The following RNF214 variants were observed in gnomAD, a reference collection of about 807,000 sequenced individuals.
The protein encoded by RNF214 is ring finger protein 214.
Under a neutral mutation model 75.9 loss-of-function variants are expected in RNF214, and 25 were observed. The ratio of observed to expected loss-of-function variants is 0.33; its 90% CI spans 0.24 to 0.46. RNF214 has a LOEUF of 0.46. RNF214 is among the 20% of genes least tolerant of loss of function. The probability of loss-of-function intolerance (pLI) is 1.00; values close to 1 mark genes in which losing one functional copy is unlikely to be tolerated. For missense variants in RNF214, 725 were observed against 857.5 expected (o/e 0.85, Z 1.93); for synonymous variants, 314 against 308.8 (o/e 1.02, Z -0.18).
chr11:117,238,803 G>T lies in RNF214; in HGVS notation c.310G>T (p.Gly104Trp). The T allele has an allele frequency of 6.2e-7, 1 of 1,614,214 alleles. No individual in the cohort carries two copies. The highest frequency in any genetic ancestry group is 8.5e-7 in the Non-Finnish European group (1 of 1,180,038). The change falls in exon 3 of 15, where the codon GGG becomes TGG. Residue 104 changes from glycine (G) to tryptophan (W), a missense_variant. Transcript: ENST00000300650. ...IATALCLSGS[G>W]SQSDLKDVAS... ...CACAGCCCTTTGTCTTTCTGGCAGTGGGTCTCAGTCTGATTTGAAGGATGT... is the reference window on the plus strand; with the variant it reads ...CACAGCCCTTTGTCTTTCTGGCAGTTGGTCTCAGTCTGATTTGAAGGATGT...
rs764499063 is a variant in RNF214, at chr11:117,238,667, C to G, written c.174C>G (p.Thr58=). The G allele has an allele frequency of 6.2e-7, 1 of 1,614,080 alleles. No individual in the cohort carries two copies. Reference sequence around the variant, plus strand: ...TGAGTGTAAGTAGCCAAACAATAACCAAGGAGAATAACAGAAATGTCCATT... The same window carrying G: ...TGAGTGTAAGTAGCCAAACAATAACGAAGGAGAATAACAGAAATGTCCATT... The part of the protein sequence containing the change: ...PLLSVSSQTI[T]KENNRNVHLE... Residue 58 remains threonine, a synonymous_variant, in exon 3 of 15, where the codon ACC becomes ACG. Coordinates refer to ENST00000300650, the MANE Select transcript of RNF214 (RefSeq NM_207343.4).
intron 1 of RNF214, 63 bp from the exon 2 acceptor site, chr11:117,234,204 G>T (rs766495844): frequency 8.5e-7 from 1 of 1,173,620 alleles, no homozygotes; most frequent in African/African-American, 1.5e-5. Flanking sequence ...TCTGAGGGGG[G>T]AGAGATACAT....
intron 6 of RNF214, among the ~76,000 whole-genome samples, chr11:117,251,852 T>C (rs564295613): frequency 1.1e-4 from 17 of 152,248 alleles, no homozygotes; most frequent in Non-Finnish European, 2.4e-4. Context: ...ACAATTTGCA[T>C]TTTATTTTTA....
At chr11:117,249,601 CAG>C (rs766090039) in intron 6 of RNF214, among the ~76,000 whole-genome samples, 3 of 152,176 alleles carry the variant, frequency 2.0e-5, no homozygotes, top group Non-Finnish European at 4.4e-5. Context: ...CCTGCCATAA[CAG>C]AATACCACTG....
intron 6 of RNF214, among the ~76,000 whole-genome samples, chr11:117,277,712 C>T (rs1343770590): frequency 2.0e-5 from 3 of 152,094 alleles, no homozygotes; most frequent in Non-Finnish European, 4.4e-5. Context: ...TGGCTCACGC[C>T]TATAATCCCA....
At chr11:117,254,680 G>A (rs2033479353) in intron 6 of RNF214, among the ~76,000 whole-genome samples, 1 of 151,508 alleles carries the variant, frequency 6.6e-6, no homozygotes, top group Non-Finnish European at 1.5e-5. Flanking sequence ...CTGGAGTCCA[G>A]TGGCACGATC....
At position 117,285,198 on chromosome 11, in the gene RNF214, A is replaced by G; in HGVS notation, c.*47A>G. On this transcript the variant is annotated 3_prime_UTR_variant, in exon 15 of 15. Coordinates refer to ENST00000300650, the MANE Select transcript of RNF214 (RefSeq NM_207343.4). ...AAGAAGAGAAACTGATGTGAACAGG[A>G]AGCGCGGGTTCAAGATTTCTAAAAC... 1 of 1,305,882 alleles carries G rather than the reference A, an allele frequency of 7.7e-7. No individual in the cohort carries two copies. The highest frequency in any genetic ancestry group is 1.1e-6 in the Non-Finnish European group (1 of 900,208). The allele number at this position is 1,305,882 out of a possible 1,614,324, so 80.9% of individuals were successfully genotyped here.
At chr11:117,271,366 T>G (rs1254225534) in intron 6 of RNF214, among the ~76,000 whole-genome samples, 2 of 152,240 alleles carry the variant, frequency 1.3e-5, no homozygotes, top group Non-Finnish European at 2.9e-5. Flanking sequence ...CAGCTCTGTT[T>G]GCATTTGCCG....
chr11:117,258,214 G>A (rs2033570051), intron 6 of RNF214, among the ~76,000 whole-genome samples: 2 of 151,940 alleles, frequency 1.3e-5, no homozygotes, highest in Admixed American at 6.6e-5. Flanking sequence ...GACTACAGGT[G>A]CATGCCACCA....
At chr11:117,262,707 TTGTGTG>T (rs57686552) in intron 6 of RNF214, among the ~76,000 whole-genome samples, 11 of 147,642 alleles carry the variant, frequency 7.5e-5, no homozygotes, top group South Asian at 2.2e-4. Context: ...TTGAGGAACG[TTGTGTG>T]TGTGTGTGTG....
At chr11:117,246,724 T>C in intron 5 of RNF214, 85 bp from the exon 6 acceptor site, 1 of 1,322,898 alleles carries the variant, frequency 7.6e-7, no homozygotes, top group Non-Finnish European at 1.0e-6. Flanking sequence ...CGTGAATTTG[T>C]GATAGTTGAA....
intron 6 of RNF214, among the ~76,000 whole-genome samples, chr11:117,255,659 G>A (rs940682560): frequency 2.0e-5 from 3 of 151,574 alleles, no homozygotes; most frequent in Non-Finnish European, 4.4e-5. Flanking sequence ...AGCCTCTTGT[G>A]TATTCTTAGT....
At chr11:117,281,484 C>A in intron 9 of RNF214, 80 bp downstream of exon 9, 1 of 1,361,860 alleles carries the variant, frequency 7.3e-7, no homozygotes, top group Non-Finnish European at 1.0e-6. Flanking sequence ...TAGCCTTTTG[C>A]ATTGCCATTT....
intron 1 of RNF214, among the ~76,000 whole-genome samples, chr11:117,233,412 C>T (rs983253560): frequency 2.0e-5 from 3 of 152,120 alleles, no homozygotes; most frequent in Non-Finnish European, 4.4e-5. Context: ...CCTATGCGCT[C>T]TTCAGTGTTC....
chr11:117,233,185 T>C (rs1422535078), intron 1 of RNF214, among the ~76,000 whole-genome samples: 2 of 152,192 alleles, frequency 1.3e-5, no homozygotes, highest in Non-Finnish European at 2.9e-5. Flanking sequence ...GCCACGGAGT[T>C]GCATGCATGG....
intron 6 of RNF214, among the ~76,000 whole-genome samples, chr11:117,274,033 G>A (rs919479342): frequency 3.9e-5 from 6 of 152,108 alleles, no homozygotes; most frequent in African/African-American, 7.2e-5. Flanking sequence ...GGCAGCAGGC[G>A]CAAAACACTG....
chr11:117,245,377 T>C (rs2033190970), intron 5 of RNF214, among the ~76,000 whole-genome samples: 1 of 150,146 alleles, frequency 6.7e-6, no homozygotes. Flanking sequence ...TCTCGCTCTG[T>C]CACCCAGGCT....
intron 7 of RNF214, 45 bp downstream of exon 7, chr11:117,280,049 C>G: frequency 6.5e-7 from 1 of 1,542,662 alleles, no homozygotes; most frequent in Non-Finnish European, 8.9e-7. Flanking sequence ...TTTCAGGCTT[C>G]CAGATGGTAT....
chr11:117,282,514 A>G lies in RNF214; in HGVS notation c.1823A>G (p.Glu608Gly). 3 of 1,614,052 alleles carry G rather than the reference A, an allele frequency of 1.9e-6. No individual in the cohort carries two copies. Among genetic ancestry groups the G allele is most frequent in the Non-Finnish European group, 2.5e-6 (3 of 1,179,992 alleles). Reference protein sequence around the residue: ...QLVAARLAEHERVAASTQPLG... With the variant: ...QLVAARLAEHGRVAASTQPLG... ...GTTGCTGCACGACTGGCAGAACATGAGCGGGTGGCAGCAAGTACTCAGGTG... is the reference window on the plus strand; with the variant it reads ...GTTGCTGCACGACTGGCAGAACATGGGCGGGTGGCAGCAAGTACTCAGGTG... Residue 608 changes from glutamate (E) to glycine (G), a missense_variant, in exon 12 of 15, where the codon GAG becomes GGG. Physicochemically the swap from Glu to Gly is moderately conservative, Grantham distance 98. Coordinates refer to ENST00000300650, the MANE Select transcript of RNF214 (RefSeq NM_207343.4).
Sources: gnomAD v4.1 joint callset for allele counts (sites outside exome capture counted in the v4.1 genomes callset) on GRCh38, gnomAD v4.1.1 for gene constraint, MANE v1.5 for transcripts, NCBI Gene and HGNC (gene_info 2026-07-23, HGNC 2026-07-21) for gene names.